CAST: variants seen among roughly 807,000 people sequenced by gnomAD.
CAST encodes calpastatin.
In CAST, 76 loss-of-function variants were observed where a neutral mutation model predicts 119.6. The ratio of observed to expected loss-of-function variants is 0.64; its 90% CI spans 0.53 to 0.77. The LOEUF (loss-of-function observed/expected upper bound fraction) is 0.77, where lower values mean the gene tolerates loss of function less well. CAST is among the 30% of genes least tolerant of loss of function. The pLI is 0.00. For synonymous variants in CAST, 319 were observed against 331.6 expected, an observed-to-expected ratio of 0.96 and a Z score of 0.41; for missense variants, 953 against 946.5, an observed-to-expected ratio of 1.01 and a Z score of -0.09.
At chr5:96,633,505 T>A (rs576573599) in intron 1 of CAST, among the ~76,000 whole-genome samples, 3 of 152,352 alleles carry the variant, frequency 2.0e-5, no homozygotes, top group African/African-American at 7.2e-5. Flanking sequence ...AATAGGACTT[T>A]CAGATTAGTA....
intron 1 of CAST, among the ~76,000 whole-genome samples, chr5:96,632,266 A>T (rs1268670353): frequency 6.6e-6 from 1 of 151,606 alleles, no homozygotes; most frequent in African/African-American, 2.4e-5. Context: ...TATGAGATGT[A>T]TAATTTGCAA....
chr5:95,981,103 G>C, the CAST span, among the ~76,000 whole-genome samples: 1 of 152,198 alleles, frequency 6.6e-6, no homozygotes, highest in Non-Finnish European at 1.5e-5. Context: ...TGGGGCAGCT[G>C]AGAACCCCAC....
chr5:96,232,319 C>T, the CAST span, among the ~76,000 whole-genome samples: 1 of 151,960 alleles, frequency 6.6e-6, no homozygotes, highest in Non-Finnish European at 1.5e-5. Flanking sequence ...AATTGAAAGG[C>T]CAATTTTCAC....
At chr5:96,766,026 A>T (rs763839351) in intron 26 of CAST, 27 bp from the exon 27 acceptor site, 2 of 1,244,308 alleles carry the variant, frequency 1.6e-6, no homozygotes, top group South Asian at 1.2e-5. Context: ...AATGAATATT[A>T]ATTCTATCTG....
the CAST span, among the ~76,000 whole-genome samples, chr5:96,483,305 A>T: frequency 6.6e-6 from 1 of 152,148 alleles, no homozygotes; most frequent in Non-Finnish European, 1.5e-5. Flanking sequence ...AACAAATAAG[A>T]ACGGGTGCTG....
Position 96,534,791 on chromosome 5 carries a change from A to G in CAST, c.60+4911A>G, listed in dbSNP as rs1450334123. Among the ~76,000 whole-genome samples, 90 of 127,716 alleles carry G rather than the reference A, an allele frequency of 7.0e-4. 2 individuals carry two copies. Among genetic ancestry groups the G allele is most frequent in the African/African-American group, 2.4e-3 (80 of 33,624 alleles). The allele number at this position is 127,716 out of a possible 152,430, so 83.8% of individuals were successfully genotyped here. A position where few individuals can be genotyped will look rare whatever the true frequency, so the allele number is the denominator to read the frequency against. On this transcript the variant is annotated intron_variant, in intron 1 of 11. Transcript: ENST00000505143. Reference sequence around the variant, plus strand: ...AAAGAAAGAAAGAAAGAAAGAAAGAAAGAAAGAAAGAAGAAAGAAAGAAAG... The same window carrying G: ...AAAGAAAGAAAGAAAGAAAGAAAGAGAGAAAGAAAGAAGAAAGAAAGAAAG...
the CAST span, among the ~76,000 whole-genome samples, chr5:96,422,584 C>A: frequency 9.8e-5 from 15 of 152,302 alleles, no homozygotes; most frequent in Admixed American, 2.6e-4. Flanking sequence ...ATATTTCAAT[C>A]ATTCCTAATT....
intron 3 of CAST, among the ~76,000 whole-genome samples, chr5:96,719,420 C>T (rs992039802): frequency 2.0e-5 from 3 of 152,234 alleles, no homozygotes; most frequent in South Asian, 2.1e-4. Flanking sequence ...CTCGGCCTCC[C>T]GAGGTGCTGG....
At chr5:96,557,656 T>A (rs1387149009) in intron 1 of CAST, among the ~76,000 whole-genome samples, 1 of 152,234 alleles carries the variant, frequency 6.6e-6, no homozygotes. Flanking sequence ...AAGAGCTAAC[T>A]GTCCTAAATA....
the CAST span, among the ~76,000 whole-genome samples, chr5:96,358,880 C>A: frequency 6.6e-6 from 1 of 151,818 alleles, no homozygotes; most frequent in Non-Finnish European, 1.5e-5. Flanking sequence ...AAGTCCTGAA[C>A]ATCCTTTCCT....
chr5:96,379,752 T>C, the CAST span: 108,355 of 152,100 alleles, frequency 0.71, 39,636 homozygotes, highest in African/African-American at 0.88. Context: ...TACATAGAAT[T>C]TATATGTTTG....
chr5:96,223,349 G>A, the CAST span, among the ~76,000 whole-genome samples: 1 of 152,210 alleles, frequency 6.6e-6, no homozygotes, highest in African/African-American at 2.4e-5. Context: ...CATAGAATGT[G>A]TAATGATCAA....
the CAST span, among the ~76,000 whole-genome samples, chr5:96,169,234 A>G: frequency 8.5e-5 from 13 of 152,160 alleles, no homozygotes; most frequent in Admixed American, 5.9e-4. Context: ...GACTGAGATA[A>G]TGGGGGCTGT....
chr5:96,132,276 A>T, the CAST span, among the ~76,000 whole-genome samples: 1 of 152,102 alleles, frequency 6.6e-6, no homozygotes, highest in Non-Finnish European at 1.5e-5. Context: ...CTTTTAAAAA[A>T]TTTTATTGAT....
chr5:96,107,614 C>G, the CAST span, among the ~76,000 whole-genome samples: 2 of 152,124 alleles, frequency 1.3e-5, no homozygotes, highest in African/African-American at 4.8e-5. Flanking sequence ...GATGGGCTTC[C>G]CTTTGTGGGT....
chr5:96,593,800 C>T (rs745696152), intron 1 of CAST, among the ~76,000 whole-genome samples: 4 of 152,190 alleles, frequency 2.6e-5, no homozygotes, highest in Admixed American at 2.0e-4. Context: ...CCATTTGCCA[C>T]CCAGGAGCAG....
At chr5:96,744,769 A>G (rs1763402783) in intron 16 of CAST, among the ~76,000 whole-genome samples, 1 of 152,088 alleles carries the variant, frequency 6.6e-6, no homozygotes, top group Non-Finnish European at 1.5e-5. Flanking sequence ...GTCCACTGCC[A>G]CCCCAGCATA....
chr5:96,724,457 AC>A (rs1465529221), intron 4 of CAST, among the ~76,000 whole-genome samples: 1 of 152,162 alleles, frequency 6.6e-6, no homozygotes, highest in African/African-American at 2.4e-5. Flanking sequence ...TGCTGGGATT[AC>A]AGGCATGAGC....
the CAST span, among the ~76,000 whole-genome samples, chr5:96,179,696 G>C: frequency 6.6e-6 from 1 of 152,198 alleles, no homozygotes; most frequent in African/African-American, 2.4e-5. Flanking sequence ...ATGTGCAGGA[G>C]CACGAGAGCA....
Sources: gnomAD v4.1 joint callset for allele counts (sites outside exome capture counted in the v4.1 genomes callset) on GRCh38, gnomAD v4.1.1 for gene constraint, MANE v1.5 for transcripts, NCBI Gene and HGNC (gene_info 2026-07-23, HGNC 2026-07-21) for gene names.